The following BMPR1B variants were observed in gnomAD, a reference collection of about 807,000 sequenced individuals.
BMPR1B encodes the protein bone morphogenetic protein receptor type 1B.
A neutral mutation model predicts 59.1 loss-of-function variants in BMPR1B; 12 were observed. The observed-to-expected ratio is 0.20, with a 90% CI of 0.13 to 0.33. The LOEUF (loss-of-function observed/expected upper bound fraction) is 0.33, where lower values mean the gene tolerates loss of function less well. Among genes scored for constraint, BMPR1B ranks in the 10% least tolerant of loss-of-function variants. The pLI is 1.00. For missense variants in BMPR1B, 550 were observed against 610.9 expected (o/e 0.90, Z 1.05); for synonymous variants, 237 against 207.3 (o/e 1.14, Z -1.23).
chr4:95,016,746 A>G (rs1723614068), intron 3 of BMPR1B, among the ~76,000 whole-genome samples: 1 of 152,184 alleles, frequency 6.6e-6, no homozygotes, highest in African/African-American at 2.4e-5. Flanking sequence ...ATATGTCAAG[A>G]TATTTAAAAG....
At chr4:95,071,648 GTGTGTATATATATATATA>G (rs1323132237) in intron 3 of BMPR1B, among the ~76,000 whole-genome samples, 3 of 104,776 alleles carry the variant, frequency 2.9e-5, no homozygotes, top group African/African-American at 1.2e-4. Flanking sequence ...GTGTGTGTGT[GTGTGTATATATATATATA>G]TATATATATA....
chr4:94,798,571 C>T (rs1423990077), intron 1 of BMPR1B, among the ~76,000 whole-genome samples: 2 of 152,230 alleles, frequency 1.3e-5, no homozygotes, highest in Non-Finnish European at 2.9e-5. Flanking sequence ...CGGACGTTTA[C>T]TCAGAAGCCA....
intron 1 of BMPR1B, among the ~76,000 whole-genome samples, chr4:94,847,910 TAA>T (rs1260464546): frequency 1.3e-5 from 2 of 152,080 alleles, no homozygotes; most frequent in African/African-American, 4.8e-5. Flanking sequence ...TTAAAAAAAC[TAA>T]AAGAGTATAA....
At chr4:95,069,640 T>G (rs1254891327) in intron 3 of BMPR1B, among the ~76,000 whole-genome samples, 1 of 152,186 alleles carries the variant, frequency 6.6e-6, no homozygotes, top group Non-Finnish European at 1.5e-5. Flanking sequence ...TATCTTTATG[T>G]TGTTTTATTT....
chr4:95,011,573 C>T lies in BMPR1B; in HGVS notation c.-18+15439C>T, dbSNP rs937359636. Among the ~76,000 whole-genome samples the T allele has an allele frequency of 3.9e-5, 6 of 152,270 alleles. No individual in the cohort carries two copies. In the East Asian group the frequency reaches 9.6e-4, roughly 24 times the overall value. The stretch of plus-strand genomic sequence containing the variant: ...GTGAGTGACAGACATATCCATATAC[C>T]TCCTAGGCAAGTACCTTCCTTAAGC... On this transcript the variant is annotated intron_variant, in intron 3 of 12. Transcript: ENST00000515059.
chr4:95,028,023 C>T (rs1251990240), intron 3 of BMPR1B, among the ~76,000 whole-genome samples: 5 of 151,966 alleles, frequency 3.3e-5, no homozygotes, highest in Non-Finnish European at 1.5e-5. Flanking sequence ...AGCACTTATC[C>T]CAGGAGGTTA....
At chr4:95,120,651 T>TTCCTTCCTTCCTTCC (rs767350006) in intron 6 of BMPR1B, among the ~76,000 whole-genome samples, 19 of 34,302 alleles carry the variant, frequency 5.5e-4, no homozygotes, top group Admixed American at 1.6e-3. Context: ...CCTTCCTTCC[T>TTCCTTCCTTCCTTCC]TTCCTTCCTT....
intron 6 of BMPR1B, among the ~76,000 whole-genome samples, chr4:95,119,776 T>C (rs1014979180): frequency 6.6e-6 from 1 of 152,200 alleles, no homozygotes; most frequent in Non-Finnish European, 1.5e-5. Context: ...GTTAAACATA[T>C]ATATTTTAGA....
At chr4:94,782,328 ATTTTT>A (rs60231217) in intron 1 of BMPR1B, among the ~76,000 whole-genome samples, 1 of 144,606 alleles carries the variant, frequency 6.9e-6, no homozygotes, top group Non-Finnish European at 1.5e-5. Flanking sequence ...TTTAATGTTA[ATTTTT>A]TTTTTTTTGT....
intron 3 of BMPR1B, among the ~76,000 whole-genome samples, chr4:95,020,689 T>A (rs954335623): frequency 7.2e-4 from 109 of 152,236 alleles, no homozygotes; most frequent in African/African-American, 2.5e-3. Flanking sequence ...AACACCAATT[T>A]ATTTTTATTT....
At chr4:94,801,666 G>T (rs1388624747) in intron 1 of BMPR1B, among the ~76,000 whole-genome samples, 1 of 152,086 alleles carries the variant, frequency 6.6e-6, no homozygotes, top group East Asian at 1.9e-4. Flanking sequence ...CATTTAATTT[G>T]TCCAGGGTTC....
At chr4:94,769,867 A>G (rs942109664) in intron 1 of BMPR1B, among the ~76,000 whole-genome samples, 4 of 152,212 alleles carry the variant, frequency 2.6e-5, no homozygotes, top group Non-Finnish European at 5.9e-5. Context: ...AGTCTAAACC[A>G]CAGTGCTCAG....
intron 1 of BMPR1B, among the ~76,000 whole-genome samples, chr4:94,820,962 T>C (rs768520496): frequency 1.7e-4 from 26 of 152,228 alleles, no homozygotes; most frequent in Non-Finnish European, 2.9e-4. Context: ...GCTTTAACTC[T>C]TACCAGCTGT....
chr4:95,001,251 G>A (rs916013559), intron 3 of BMPR1B, among the ~76,000 whole-genome samples: 2 of 152,068 alleles, frequency 1.3e-5, no homozygotes, highest in Admixed American at 6.6e-5. Context: ...TTGTCTGAGT[G>A]TAATTGCTCT....
At chr4:94,855,412 A>G (rs1287613315) in intron 1 of BMPR1B, among the ~76,000 whole-genome samples, 1 of 152,230 alleles carries the variant, frequency 6.6e-6, no homozygotes, top group Non-Finnish European at 1.5e-5. Context: ...CGGACTCTAC[A>G]GCATTTGCTC....
At chr4:94,795,435 ATT>A (rs70946548) in intron 1 of BMPR1B, among the ~76,000 whole-genome samples, 2 of 147,724 alleles carry the variant, frequency 1.4e-5, no homozygotes. Context: ...TTATTGAAAC[ATT>A]TTTTTTTTTC....
chr4:94,947,086 A>G (rs966881297), intron 2 of BMPR1B, among the ~76,000 whole-genome samples: 3 of 152,074 alleles, frequency 2.0e-5, no homozygotes. Flanking sequence ...AAACAAACAA[A>G]CAAGAAAACC....
chr4:94,931,943 GT>G (rs1448129962), intron 2 of BMPR1B, among the ~76,000 whole-genome samples: 3 of 152,102 alleles, frequency 2.0e-5, no homozygotes, highest in Non-Finnish European at 4.4e-5. Context: ...AGAAGCAGAA[GT>G]TTAATGATTC....
intron 3 of BMPR1B, among the ~76,000 whole-genome samples, chr4:95,079,876 TTTCTTTTTTAA>T (rs1245875080): frequency 6.6e-6 from 1 of 152,180 alleles, no homozygotes; most frequent in African/African-American, 2.4e-5. Context: ...TGAGAAACTT[TTTCTTTTTTAA>T]ATTACTTTTC....
Sources: gnomAD v4.1 joint callset for allele counts (sites outside exome capture counted in the v4.1 genomes callset) on GRCh38, gnomAD v4.1.1 for gene constraint, MANE v1.5 for transcripts, NCBI Gene and HGNC (gene_info 2026-07-23, HGNC 2026-07-21) for gene names.